The following AKTIP variants were observed in gnomAD, a reference collection of about 807,000 sequenced individuals.
AKTIP encodes AKT-interacting protein.
In AKTIP, 16 loss-of-function variants were observed where a neutral mutation model predicts 39.1. The ratio of observed to expected loss-of-function variants is 0.41; its 90% CI spans 0.28 to 0.62. AKTIP has a LOEUF of 0.62. AKTIP is among the 20% of genes least tolerant of loss of function. The probability of loss-of-function intolerance (pLI) is 0.32; values close to 1 mark genes in which losing one functional copy is unlikely to be tolerated. For synonymous variants in AKTIP, 93 were observed against 124.3 expected (o/e 0.75, Z 1.67); for missense variants, 262 against 356.6 (o/e 0.73, Z 2.14).
rs998965892 is a variant in AKTIP, at chr16:53,495,434, G to C, written c.249-108C>G. On this transcript the variant is annotated intron_variant, in intron 3 of 9. Transcript: ENST00000394657. ...ATGAACGGCCCCTCAATGGGCAGCT[G>C]ATGCCCAAACCCTGCAAGCCAAGTT... is the stretch of plus-strand genomic sequence containing the variant. 4 of 1,029,014 alleles carry C rather than the reference G, an allele frequency of 3.9e-6. No homozygotes were observed. The African/African-American group carries it at 6.4e-5, about 16-fold the overall frequency. 63.7% of individuals were successfully genotyped at this position (1,029,014 alleles called of 1,614,324 possible). A position where few individuals can be genotyped will look rare whatever the true frequency, so the allele number is the denominator to read the frequency against.
chr16:53,496,499 C>CTTTT (rs576422100), intron 3 of AKTIP, among the ~76,000 whole-genome samples: 6 of 79,018 alleles, frequency 7.6e-5, no homozygotes, highest in African/African-American at 1.5e-4. Flanking sequence ...GTCAAGGATG[C>CTTTT]TTTTTTTTTT....
In AKTIP at chr16:53,492,330, C is replaced by T. The variant is rs3956281; in HGVS notation, c.*82G>A. 7 of 1,179,512 alleles carry T rather than the reference C, an allele frequency of 5.9e-6. No homozygotes were observed. The highest frequency in any genetic ancestry group is 8.7e-6 in the Non-Finnish European group (7 of 801,530). 73.1% of individuals were successfully genotyped at this position (1,179,512 alleles called of 1,614,324 possible). Reference sequence around the variant, plus strand: ...TCATTGTTCACACAGTTTTACTCTTCAGGCAGTCCTCTGCCATTGGTCAGC... The same window carrying T: ...TCATTGTTCACACAGTTTTACTCTTTAGGCAGTCCTCTGCCATTGGTCAGC... On this transcript the variant is annotated 3_prime_UTR_variant, in exon 10 of 10. Transcript: ENST00000394657.
At chr16:53,501,378 C>T (rs939658993) in intron 1 of AKTIP, 1 of 152,162 alleles carries the variant, frequency 6.6e-6, no homozygotes, top group Admixed American at 6.5e-5. Flanking sequence ...AGCTTCAAGT[C>T]GTGGATAAGA....
chr16:53,492,306 C>A lies in AKTIP; in HGVS notation c.*106G>T. On this transcript the variant is annotated 3_prime_UTR_variant, in exon 10 of 10. Coordinates refer to ENST00000394657, the MANE Select transcript of AKTIP (RefSeq NM_022476.4). ...TACATGGAAAACACTGGCAGTCAGT[C>A]ATTGTTCACACAGTTTTACTCTTCA... 1 of 962,672 alleles carries A rather than the reference C, an allele frequency of 1.0e-6. No individual in the cohort carries two copies. Among genetic ancestry groups the A allele is most frequent in the East Asian group, 2.4e-5 (1 of 41,458 alleles). 59.6% of individuals were successfully genotyped at this position (962,672 alleles called of 1,614,324 possible).
intron 2 of AKTIP, among the ~76,000 whole-genome samples, chr16:53,499,401 T>C (rs1176058406): frequency 1.3e-5 from 2 of 150,640 alleles, no homozygotes; most frequent in African/African-American, 2.4e-5. Context: ...GTCATGTATA[T>C]AGAAAAAAAG....
chr16:53,500,936 A>G (rs1362453073), intron 1 of AKTIP, among the ~76,000 whole-genome samples: 2 of 152,236 alleles, frequency 1.3e-5, no homozygotes, highest in Non-Finnish European at 2.9e-5. Flanking sequence ...CCAGAAATTC[A>G]GAAGATACGG....
intron 5 of AKTIP, 21 bp from the exon 6 acceptor site, chr16:53,494,626 A>G: frequency 1.2e-6 from 2 of 1,609,472 alleles, no homozygotes; most frequent in Non-Finnish European, 1.7e-6. Flanking sequence ...ATAAAGAGAG[A>G]CATGTCCTTT....
intron 1 of AKTIP, chr16:53,502,755 T>C (rs1404217673): frequency 6.6e-6 from 1 of 152,162 alleles, no homozygotes; most frequent in Non-Finnish European, 1.5e-5. Context: ...GCTAGCTCGA[T>C]GCTGGCCCGG....
At chr16:53,495,472 C>T in intron 3 of AKTIP, 146 bp from the exon 4 acceptor site, 1 of 716,248 alleles carries the variant, frequency 1.4e-6, no homozygotes, top group Non-Finnish European at 2.4e-6. Flanking sequence ...CACAATCTCT[C>T]ACCTGACACA....
intron 5 of AKTIP, 88 bp from the exon 6 acceptor site, chr16:53,494,693 G>A (rs567079007): frequency 7.9e-7 from 1 of 1,270,906 alleles, no homozygotes; most frequent in Non-Finnish European, 1.1e-6. Context: ...AGAGCTTCAG[G>A]ACAAGGCAGT....
rs1230462044 is a variant in AKTIP at position 53,491,836 on chromosome 16, A to T, written c.*576T>A. ...TAAAAATACAGTAAGTAATTTGCTT[A>T]AAAAAAACAACACAACACTAGGAAC... On this transcript the variant is annotated 3_prime_UTR_variant, in exon 10 of 10. Coordinates refer to ENST00000394657, the MANE Select transcript of AKTIP (RefSeq NM_022476.4). The T allele has an allele frequency of 2.0e-5, 3 of 151,914 alleles. No individual in the cohort carries two copies. Among genetic ancestry groups the T allele is most frequent in the Non-Finnish European group, 1.5e-5 (1 of 67,834 alleles). 9.4% of individuals were successfully genotyped at this position (151,914 alleles called of 1,614,324 possible).
rs4002164 is a variant in AKTIP at position 53,491,721 on chromosome 16, A to C, written c.*691T>G. On this transcript the variant is annotated 3_prime_UTR_variant, in exon 10 of 10. Coordinates refer to ENST00000394657, the MANE Select transcript of AKTIP (RefSeq NM_022476.4). Reference sequence around the variant, plus strand: ...GCAAAGAACAATCATTTATTGGTTTATTTTGTCTCTACTAAACACATTAGT... The same window carrying C: ...GCAAAGAACAATCATTTATTGGTTTCTTTTGTCTCTACTAAACACATTAGT... 0.16 allele frequency: 25,081 copies of C among 152,572 alleles called. 2,077 individuals carry two copies. Among genetic ancestry groups the C allele is most frequent in the South Asian group, 0.27 (1,294 of 4,824 alleles). 9.5% of individuals were successfully genotyped at this position (152,572 alleles called of 1,614,324 possible). A position where few individuals can be genotyped will look rare whatever the true frequency, so the allele number is the denominator to read the frequency against.
chr16:53,495,986 A>C (rs1259053731), intron 3 of AKTIP, among the ~76,000 whole-genome samples: 1 of 152,194 alleles, frequency 6.6e-6, no homozygotes, highest in Non-Finnish European at 1.5e-5. Flanking sequence ...CTTGCCAGGG[A>C]ATGGAAAACT....
rs557434678 is a variant in AKTIP, at chr16:53,495,184, A to C, written c.314-11T>G. ...TTACTCCAAACCACACTGTAGGAAA[A>C]AATAAAAGAGTTAAGGCCTAAATTT... On this transcript the variant is annotated splice_polypyrimidine_tract_variant and intron_variant, in intron 4 of 9. Transcript: ENST00000394657. 2.0e-5 allele frequency: 33 copies of C among 1,612,640 alleles called. 1 individual carries two copies. The African/African-American group carries it at 3.3e-4, about 16-fold the overall frequency.
Position 53,492,683 on chromosome 16 carries a change from A to T in AKTIP, c.771+10T>A. The T allele has an allele frequency of 6.2e-7, 1 of 1,613,644 alleles. No homozygotes were observed. On this transcript the variant is annotated intron_variant, in intron 9 of 9. Transcript: ENST00000394657. Reference sequence around the variant, plus strand: ...TGAGTTAGCCATTTCATAAGTTGTTATCCACTTACTTTCTGAGTCAGCATC... The same window carrying T: ...TGAGTTAGCCATTTCATAAGTTGTTTTCCACTTACTTTCTGAGTCAGCATC...
rs779706980 is a variant in AKTIP at position 53,494,322 on chromosome 16, A to C, written c.602+17T>G. On this transcript the variant is annotated intron_variant, in intron 7 of 9. Transcript: ENST00000394657. ...ATCTTCAAATTTATTTTAAATAACAAAGCAAAAGTTACATACAGTACTGCA... is the reference window on the plus strand; with the variant it reads ...ATCTTCAAATTTATTTTAAATAACACAGCAAAAGTTACATACAGTACTGCA... The C allele has an allele frequency of 6.8e-6, 11 of 1,613,276 alleles. No individual in the cohort carries two copies. Among genetic ancestry groups the C allele is most frequent in the Non-Finnish European group, 2.5e-6 (3 of 1,179,532 alleles).
In AKTIP at chr16:53,492,494, C is replaced by CTTT; in HGVS notation, c.794_796dup (p.Lys265dup). 1 of 1,614,120 alleles carries CTTT rather than the reference C, an allele frequency of 6.2e-7. No individual in the cohort carries two copies. Among genetic ancestry groups the CTTT allele is most frequent in the Non-Finnish European group, 8.5e-7 (1 of 1,180,024 alleles). On this transcript the variant is annotated inframe_insertion, in exon 10 of 10. Coordinates refer to ENST00000394657, the MANE Select transcript of AKTIP (RefSeq NM_022476.4). The stretch of plus-strand genomic sequence containing the variant: ...CCATGACAGGCCAGCAACATGAACA[C>CTTT]TTTTATTGTGCTGTTCTTCAGGCTT...
At chr16:53,495,970 G>A (rs1035099579) in intron 3 of AKTIP, among the ~76,000 whole-genome samples, 5 of 152,178 alleles carry the variant, frequency 3.3e-5, no homozygotes, top group Non-Finnish European at 4.4e-5. Context: ...CCTGAACTCT[G>A]TGGGCCTTGC....
At chr16:53,497,124 C>A (rs567715140) in intron 3 of AKTIP, among the ~76,000 whole-genome samples, 3 of 152,298 alleles carry the variant, frequency 2.0e-5, no homozygotes, top group Admixed American at 6.5e-5. Flanking sequence ...TAACTGTATA[C>A]AAAGGAATTT....
Sources: allele counts gnomAD v4.1 joint callset (sites outside exome capture counted in the v4.1 genomes callset), GRCh38; gene constraint gnomAD v4.1.1; transcripts MANE v1.5; gene names NCBI Gene and HGNC (gene_info 2026-07-23, HGNC 2026-07-21).